RGS7: variants seen among roughly 807,000 people sequenced by gnomAD.
The protein encoded by RGS7 is regulator of G protein signaling 7.
In RGS7, 27 loss-of-function variants were observed where a neutral mutation model predicts 81.1. That is an observed-to-expected ratio of 0.33 (90% confidence interval 0.25 to 0.46). The LOEUF (loss-of-function observed/expected upper bound fraction) is 0.46. Among genes scored for constraint, RGS7 ranks in the 20% least tolerant of loss-of-function variants. RGS7 has a pLI of 1.00. For synonymous variants in RGS7, 208 were observed against 207.7 expected, an observed-to-expected ratio of 1.00 and a Z score of -0.01; for missense variants, 396 against 607.4, an observed-to-expected ratio of 0.65 and a Z score of 3.66.
At position 241,212,214 on chromosome 1, in the gene RGS7, A is replaced by C. The variant is rs143456820; in HGVS notation, c.79-113452T>G. ...TGTAATAACTGGATACACTGAAGGA[A>C]GTGTATTCACTTATGGTTTATAAAC... is the stretch of plus-strand genomic sequence containing the variant. On this transcript the variant is annotated intron_variant, in intron 2 of 18. Transcript: ENST00000440928. Among the ~76,000 whole-genome samples the C allele has an allele frequency of 2.8e-3, 422 of 152,290 alleles. 2 individuals are homozygous for C. The highest frequency in any genetic ancestry group is 1.0e-2 in the African/African-American group (415 of 41,568).
At chr1:240,977,426 A>G (rs1220032217) in intron 4 of RGS7, among the ~76,000 whole-genome samples, 1 of 152,240 alleles carries the variant, frequency 6.6e-6, no homozygotes. Context: ...TAACACAAAC[A>G]CACACACGTA....
intron 2 of RGS7, among the ~76,000 whole-genome samples, chr1:241,114,362 C>T (rs1469911692): frequency 6.6e-6 from 1 of 152,084 alleles, no homozygotes; most frequent in Non-Finnish European, 1.5e-5. Flanking sequence ...TATTATAAAG[C>T]TTTCCCACTC....
chr1:240,826,426 A>T lies in RGS7; in HGVS notation c.684+672T>A, dbSNP rs538599067. On this transcript the variant is annotated intron_variant, in intron 10 of 18. Coordinates refer to ENST00000440928, the MANE Select transcript of RGS7 (RefSeq NM_001364886.1). Reference sequence around the variant, plus strand: ...CGATGGCTAACGAAATACTAAGGAAATGGCCACAGAAAAAAGACCTTGAAC... The same window carrying T: ...CGATGGCTAACGAAATACTAAGGAATTGGCCACAGAAAAAAGACCTTGAAC... 3.9e-5 allele frequency among the ~76,000 whole-genome samples: 6 copies of T among 152,274 alleles called. No individual in the cohort carries two copies. The South Asian group carries it at 1.2e-3, about 32-fold the overall frequency.
intron 18 of RGS7, among the ~76,000 whole-genome samples, chr1:240,779,099 TTGTGTGTGTGTG>T (rs71172643): frequency 1.0e-4 from 15 of 144,194 alleles, no homozygotes; most frequent in Non-Finnish European, 1.7e-4. Flanking sequence ...TTAGTGTTCT[TTGTGTGTGTGTG>T]TGTGTGTGTG....
At chr1:240,974,763 C>T (rs1038076224) in intron 4 of RGS7, among the ~76,000 whole-genome samples, 10 of 152,248 alleles carry the variant, frequency 6.6e-5, no homozygotes, top group Middle Eastern at 3.4e-3. Flanking sequence ...CTAAAAAATT[C>T]AATTCAGTTA....
intron 2 of RGS7, among the ~76,000 whole-genome samples, chr1:241,308,732 G>C (rs561519518): frequency 8.5e-5 from 13 of 152,302 alleles, no homozygotes; most frequent in African/African-American, 2.9e-4. Context: ...CTTACAGTGA[G>C]TCTACTGTGC....
intron 6 of RGS7, among the ~76,000 whole-genome samples, chr1:240,895,493 T>C (rs957479592): frequency 6.6e-5 from 10 of 152,092 alleles, no homozygotes; most frequent in Admixed American, 6.5e-4. Context: ...TGTGTCCATG[T>C]GTTCTCATTG....
intron 2 of RGS7, among the ~76,000 whole-genome samples, chr1:241,180,576 G>C (rs2103308498): frequency 6.6e-6 from 1 of 152,324 alleles, no homozygotes. Context: ...ATGCTGAACA[G>C]TGCATCTCTA....
intron 9 of RGS7, among the ~76,000 whole-genome samples, chr1:240,849,997 G>C (rs189489630): frequency 6.6e-6 from 1 of 152,346 alleles, no homozygotes; most frequent in Admixed American, 6.5e-5. Flanking sequence ...GTGATAAAGA[G>C]TATGGGTCCT....
intron 6 of RGS7, among the ~76,000 whole-genome samples, chr1:240,884,102 A>G (rs912516845): frequency 1.4e-5 from 2 of 138,176 alleles, no homozygotes. Context: ...AAAAAAAAAA[A>G]AAGGCCCCAA....
chr1:241,176,734 T>G lies in RGS7; in HGVS notation c.79-77972A>C, dbSNP rs188162513. 2.6e-5 allele frequency among the ~76,000 whole-genome samples: 4 copies of G among 152,156 alleles called. No individual in the cohort carries two copies. In the East Asian group the frequency reaches 7.8e-4, roughly 29 times the overall value. On this transcript the variant is annotated intron_variant, in intron 2 of 18. Transcript: ENST00000440928. ...ATGGCTGACTGTAATATTAACTTTA[T>G]GAGGAAACAGACTCTGCTCTGAAGA...
At chr1:241,000,877 G>A (rs903612193) in intron 3 of RGS7, among the ~76,000 whole-genome samples, 32 of 145,348 alleles carry the variant, frequency 2.2e-4, no homozygotes, top group Non-Finnish European at 3.9e-4. Context: ...GGCTGGTCTC[G>A]AACTCCTGAC....
chr1:240,933,050 T>TTTTG (rs1558487361), intron 5 of RGS7, among the ~76,000 whole-genome samples: 1 of 129,450 alleles, frequency 7.7e-6, no homozygotes, highest in Non-Finnish European at 1.7e-5. Context: ...GCCCGGCTAA[T>TTTTG]TTTTTGTATT....
Position 240,777,033 on chromosome 1 carries a change from G to A in RGS7, c.*7-820C>T, listed in dbSNP as rs182521262. 5.9e-5 allele frequency among the ~76,000 whole-genome samples: 9 copies of A among 152,300 alleles called. No homozygotes were observed. The South Asian group carries it at 8.3e-4, about 14-fold the overall frequency. On this transcript the variant is annotated intron_variant, in intron 18 of 18. Transcript: ENST00000440928. The stretch of plus-strand genomic sequence containing the variant: ...TTTGAGACCGGGCGCAGTGGCTCAC[G>A]CCTGTAATCCCAGCATTTTGGGAGG...
intron 3 of RGS7, among the ~76,000 whole-genome samples, chr1:241,036,325 A>T (rs115048107): frequency 0.012 from 1,776 of 152,352 alleles, 16 homozygotes; most frequent in Middle Eastern, 0.054. Context: ...ACAAGTATAG[A>T]ATAGTTGCAT....
chr1:241,139,099 G>A (rs1406506279), intron 2 of RGS7, among the ~76,000 whole-genome samples: 1 of 151,464 alleles, frequency 6.6e-6, no homozygotes, highest in Non-Finnish European at 1.5e-5. Flanking sequence ...TTTTTTTTTA[G>A]GTTCATCTAT....
At chr1:241,351,496 A>G (rs142870173) in intron 2 of RGS7, among the ~76,000 whole-genome samples, 7 of 152,106 alleles carry the variant, frequency 4.6e-5, no homozygotes, top group African/African-American at 1.7e-4. Context: ...ACCATATGAT[A>G]CCATATGTGA....
intron 6 of RGS7, among the ~76,000 whole-genome samples, chr1:240,877,821 A>G (rs903583787): frequency 2.0e-5 from 3 of 152,344 alleles, no homozygotes; most frequent in South Asian, 4.1e-4. Context: ...GCACCTTTCA[A>G]GACCTGTGAT....
At chr1:240,842,401 A>AGG (rs1658231794) in intron 9 of RGS7, among the ~76,000 whole-genome samples, 1 of 151,564 alleles carries the variant, frequency 6.6e-6, no homozygotes. Flanking sequence ...CATGTTGGTC[A>AGG]GGTTGGTCTC....
Sources: gnomAD v4.1 joint callset for allele counts (sites outside exome capture counted in the v4.1 genomes callset) on GRCh38, gnomAD v4.1.1 for gene constraint, MANE v1.5 for transcripts, NCBI Gene and HGNC (gene_info 2026-07-23, HGNC 2026-07-21) for gene names.